CERS3: variants seen among roughly 807,000 people sequenced by gnomAD.
CERS3 encodes LAG1 homolog, ceramide synthase 3.
In CERS3, 33 loss-of-function variants were observed where a neutral mutation model predicts 50.3. The ratio of observed to expected loss-of-function variants is 0.66; its 90% CI spans 0.50 to 0.88. The LOEUF is 0.88. CERS3 is among the 40% of genes least tolerant of loss of function. CERS3 has a pLI of 0.00. For missense variants in CERS3, 470 were observed against 460.3 expected, an observed-to-expected ratio of 1.02 and a Z score of -0.19; for synonymous variants, 176 against 155.2, an observed-to-expected ratio of 1.13 and a Z score of -0.99.
At position 100,450,439 on chromosome 15, in the gene CERS3, A is replaced by T. The variant is rs200454106; in HGVS notation, c.999+5454T>A. 7.9e-3 allele frequency among the ~76,000 whole-genome samples: 1,021 copies of T among 129,458 alleles called. 23 individuals are homozygous for T. The highest frequency in any genetic ancestry group is 0.05 in the Admixed American group (645 of 12,850). The allele number at this position is 129,458 out of a possible 152,430, so 84.9% of individuals were successfully genotyped here. A position where few individuals can be genotyped will look rare whatever the true frequency, so the allele number is the denominator to read the frequency against. On this transcript the variant is annotated intron_variant, in intron 11 of 11. Transcript: ENST00000679737. The stretch of plus-strand genomic sequence containing the variant: ...CTCAAAAAAAAAAAAAAAAAAAAAA[A>T]GACTAGATCAAGCAGAAGAAAGAAT...
intron 11 of CERS3, among the ~76,000 whole-genome samples, chr15:100,449,134 A>G (rs1007763951): frequency 3.9e-5 from 6 of 152,194 alleles, no homozygotes; most frequent in Non-Finnish European, 7.4e-5. Flanking sequence ...TACCATTGGA[A>G]GGCCCAGAAA....
At chr15:100,478,151 A>G (rs908940218) in intron 7 of CERS3, among the ~76,000 whole-genome samples, 1 of 152,216 alleles carries the variant, frequency 6.6e-6, no homozygotes, top group Non-Finnish European at 1.5e-5. Flanking sequence ...TAAAAGAGAA[A>G]ATTTCAGTAG....
intron 2 of CERS3, chr15:100,503,822 A>C (rs2036083303): frequency 2.2e-6 from 1 of 458,822 alleles, no homozygotes; most frequent in Admixed American, 2.4e-5. Context: ...TGGCCAGAGC[A>C]GTGGGGACCA....
At chr15:100,511,016 G>A (rs1463408265) in intron 2 of CERS3, among the ~76,000 whole-genome samples, 2 of 152,122 alleles carry the variant, frequency 1.3e-5, no homozygotes, top group Admixed American at 6.6e-5. Flanking sequence ...GGTCGGGCAC[G>A]GTAACTCACG....
chr15:100,461,574 A>G (rs1462697976), intron 10 of CERS3, among the ~76,000 whole-genome samples: 1 of 152,242 alleles, frequency 6.6e-6, no homozygotes, highest in Non-Finnish European at 1.5e-5. Flanking sequence ...TAAGTATTCA[A>G]AAATGATAGT....
intron 1 of CERS3, among the ~76,000 whole-genome samples, chr15:100,535,287 T>C (rs1268972097): frequency 6.6e-6 from 1 of 152,262 alleles, no homozygotes; most frequent in Non-Finnish European, 1.5e-5. Context: ...ACAAGGATTG[T>C]GTAAAGTTTC....
upstream of CERS3, among the ~76,000 whole-genome samples, chr15:100,533,779 C>A (rs759943668): frequency 6.6e-6 from 1 of 152,042 alleles, no homozygotes; most frequent in Admixed American, 6.6e-5. Context: ...AGGATGGTCT[C>A]GATCTCCTGA....
chr15:100,414,302 A>T (rs1355909424), intron 11 of CERS3, among the ~76,000 whole-genome samples: 1 of 152,240 alleles, frequency 6.6e-6, no homozygotes, highest in Admixed American at 6.5e-5. Flanking sequence ...ATGGAAAAAC[A>T]TTCCATGTTC....
chr15:100,527,182 A>C (rs919905368), intron 1 of CERS3, among the ~76,000 whole-genome samples: 1 of 152,152 alleles, frequency 6.6e-6, no homozygotes, highest in Non-Finnish European at 1.5e-5. Flanking sequence ...CTATACTCCC[A>C]GCTACTTGGG....
chr15:100,402,774 C>T lies in CERS3; in HGVS notation c.1091G>A (p.Cys364Tyr). Residue 364 changes from cysteine (C) to tyrosine (Y), a missense_variant, in exon 12 of 12, where the codon TGT becomes TAT. Physicochemically the swap from Cys to Tyr is radical, Grantham distance 194. Coordinates refer to ENST00000679737, the MANE Select transcript of CERS3 (RefSeq NM_001378789.1). ...EEATKGKEMD[C>Y]LKNGLRAERH... ...CTCAGCCCTGAGGCCGTTCTTTAAACAATCCATCTCTTTGCCTTTGGTAGC... is the reference window on the plus strand; with the variant it reads ...CTCAGCCCTGAGGCCGTTCTTTAAATAATCCATCTCTTTGCCTTTGGTAGC... The T allele has an allele frequency of 6.2e-7, 1 of 1,614,232 alleles. No homozygotes were observed. The highest frequency in any genetic ancestry group is 8.5e-7 in the Non-Finnish European group (1 of 1,180,040).
intron 11 of CERS3, among the ~76,000 whole-genome samples, chr15:100,434,631 A>G (rs1411117504): frequency 6.6e-6 from 1 of 152,144 alleles, no homozygotes; most frequent in Non-Finnish European, 1.5e-5. Context: ...AAACAGTGGG[A>G]GACTAGCAGG....
intron 5 of CERS3, among the ~76,000 whole-genome samples, chr15:100,483,798 T>TTTTTTTTA (rs2035399722): frequency 7.2e-6 from 1 of 139,080 alleles, no homozygotes; most frequent in African/African-American, 2.7e-5. Context: ...TTTTTTTTTT[T>TTTTTTTTA]GAGACAGAGT....
At chr15:100,410,795 C>T (rs531589519) in intron 11 of CERS3, among the ~76,000 whole-genome samples, 4 of 152,188 alleles carry the variant, frequency 2.6e-5, no homozygotes, top group Non-Finnish European at 5.9e-5. Context: ...TGTCTAAAGT[C>T]CTTTTTAAAT....
intron 9 of CERS3, among the ~76,000 whole-genome samples, chr15:100,470,254 C>T (rs1478451157): frequency 6.6e-6 from 1 of 152,148 alleles, no homozygotes; most frequent in African/African-American, 2.4e-5. Flanking sequence ...TTCTAGGGAA[C>T]GTGGCTTAGA....
At chr15:100,426,385 T>C (rs543990931) in intron 11 of CERS3, among the ~76,000 whole-genome samples, 11 of 152,040 alleles carry the variant, frequency 7.2e-5, no homozygotes, top group African/African-American at 2.2e-4. Flanking sequence ...ATCACTTACA[T>C]AAAGTTTTAA....
intron 11 of CERS3, among the ~76,000 whole-genome samples, chr15:100,419,540 A>G (rs1169338112): frequency 7.2e-6 from 1 of 138,654 alleles, no homozygotes; most frequent in Admixed American, 7.4e-5. Context: ...GAAAGTCAAC[A>G]AGGATACCCA....
rs377352695 is a variant in CERS3, at chr15:100,442,170, T to C, written c.999+13723A>G. ...ATTCCAAATCAGATAGTGTTTAGGC[T>C]CTTTTTCATCAAATATAAAAACCCA... On this transcript the variant is annotated intron_variant, in intron 11 of 11. Transcript: ENST00000679737. Among the ~76,000 whole-genome samples the C allele has an allele frequency of 2.3e-3, 347 of 152,256 alleles. 4 individuals carry two copies. Among genetic ancestry groups the C allele is most frequent in the Admixed American group, 0.016 (244 of 15,304 alleles).
At chr15:100,483,787 A>ATTATTATTTTTTTT (rs760594142) in intron 5 of CERS3, among the ~76,000 whole-genome samples, 1,986 of 99,712 alleles carry the variant, frequency 0.02, 72 homozygotes, top group South Asian at 0.035. Context: ...TATTATTATT[A>ATTATTATTTTTTTT]TTTTTTTTTT....
At chr15:100,433,438 G>T (rs1296547817) in intron 11 of CERS3, among the ~76,000 whole-genome samples, 1 of 152,010 alleles carries the variant, frequency 6.6e-6, no homozygotes, top group African/African-American at 2.4e-5. Context: ...TATCTATAAG[G>T]AGAAGAAAAA....
Sources: allele counts gnomAD v4.1 joint callset (sites outside exome capture counted in the v4.1 genomes callset), GRCh38; gene constraint gnomAD v4.1.1; transcripts MANE v1.5; gene names NCBI Gene and HGNC (gene_info 2026-07-23, HGNC 2026-07-21).